Variants in CALN1 observed in about 807,000 individuals in gnomAD.
The protein encoded by CALN1 is calcium-binding protein 8.
In CALN1, 17 loss-of-function variants were observed where a neutral mutation model predicts 30.6. The ratio of observed to expected loss-of-function variants is 0.56; its 90% confidence interval spans 0.38 to 0.83. The LOEUF (loss-of-function observed/expected upper bound fraction) is 0.83. CALN1 is among the 40% of genes least tolerant of loss of function. The pLI is 0.00. For synonymous variants in CALN1, 156 were observed against 131.4 expected (o/e 1.19, Z -1.28); for missense variants, 291 against 354.9 (o/e 0.82, Z 1.45).
At chr7:72,344,505 C>G (rs1802524503) in intron 2 of CALN1, among the ~76,000 whole-genome samples, 2 of 149,466 alleles carry the variant, frequency 1.3e-5, no homozygotes, top group Non-Finnish European at 3.0e-5. Context: ...GAATATAATT[C>G]CAATGCTTTC....
chr7:72,222,578 C>T (rs1793386919), intron 3 of CALN1, among the ~76,000 whole-genome samples: 1 of 152,156 alleles, frequency 6.6e-6, no homozygotes, highest in African/African-American at 2.4e-5. Context: ...CTGGGGATTA[C>T]AATTGAACAT....
chr7:71,988,487 T>C (rs955236336), intron 5 of CALN1, among the ~76,000 whole-genome samples: 1 of 152,146 alleles, frequency 6.6e-6, no homozygotes, highest in African/African-American at 2.4e-5. Context: ...GAGAGCATAC[T>C]TGTTGGTTTC....
intron 3 of CALN1, among the ~76,000 whole-genome samples, chr7:72,144,532 T>G (rs1161263443): frequency 6.6e-6 from 1 of 152,152 alleles, no homozygotes; most frequent in Non-Finnish European, 1.5e-5. Context: ...TGGGAGAATT[T>G]AACACTCCAC....
At chr7:72,305,087 G>A (rs1428561808) in intron 2 of CALN1, among the ~76,000 whole-genome samples, 1 of 152,206 alleles carries the variant, frequency 6.6e-6, no homozygotes, top group Non-Finnish European at 1.5e-5. Flanking sequence ...AAGAGAGCCT[G>A]GGTTGGAACC....
chr7:72,103,880 G>A (rs1806885904), intron 4 of CALN1, among the ~76,000 whole-genome samples: 1 of 152,132 alleles, frequency 6.6e-6, no homozygotes, highest in African/African-American at 2.4e-5. Context: ...AGGCTCCAAA[G>A]CTTGCGGGTT....
At chr7:71,955,072 T>C (rs1195817346) in intron 5 of CALN1, among the ~76,000 whole-genome samples, 9 of 152,156 alleles carry the variant, frequency 5.9e-5, no homozygotes, top group Admixed American at 5.2e-4. Context: ...AGAGGTTTAA[T>C]GGATTCACAG....
At chr7:72,121,814 A>G (rs1386605359) in intron 3 of CALN1, among the ~76,000 whole-genome samples, 1 of 133,620 alleles carries the variant, frequency 7.5e-6, no homozygotes, top group Non-Finnish European at 1.6e-5. Context: ...ATTATTGTAA[A>G]CATGGTTGGT....
At chr7:71,943,106 G>A (rs1302373679) in intron 5 of CALN1, among the ~76,000 whole-genome samples, 2 of 149,188 alleles carry the variant, frequency 1.3e-5, no homozygotes, top group Admixed American at 6.7e-5. Context: ...CAACCACCTC[G>A]GGCACATGTC....
intron 1 of CALN1, among the ~76,000 whole-genome samples, chr7:72,417,523 G>A (rs191042197): frequency 6.6e-6 from 1 of 152,304 alleles, no homozygotes; most frequent in African/African-American, 2.4e-5. Flanking sequence ...ATAGTTCTTG[G>A]TTACCAGCCA....
At chr7:72,131,104 C>T (rs1809112712) in intron 3 of CALN1, among the ~76,000 whole-genome samples, 2 of 152,088 alleles carry the variant, frequency 1.3e-5, no homozygotes, top group African/African-American at 2.4e-5. Context: ...TGTTTCTGCC[C>T]TTAAAGCACT....
At chr7:72,256,142 A>G (rs2129552427) in intron 3 of CALN1, among the ~76,000 whole-genome samples, 1 of 152,292 alleles carries the variant, frequency 6.6e-6, no homozygotes, top group East Asian at 1.9e-4. Flanking sequence ...TTGCCCCTAC[A>G]CTTCAAGAAA....
the CALN1 span, among the ~76,000 whole-genome samples, chr7:72,487,698 G>GA: frequency 9.3e-5 from 8 of 86,298 alleles, no homozygotes; most frequent in African/African-American, 3.0e-4. Flanking sequence ...AAGAAAGAAA[G>GA]AAAGAAAAGA....
intron 6 of CALN1, among the ~76,000 whole-genome samples, chr7:71,797,623 C>A (rs1028074384): frequency 7.9e-5 from 12 of 152,136 alleles, no homozygotes; most frequent in African/African-American, 2.9e-4. Flanking sequence ...TTCTCCTCTA[C>A]AAAATCTCAT....
At chr7:72,096,255 G>A (rs2129540250) in intron 4 of CALN1, among the ~76,000 whole-genome samples, 2 of 152,246 alleles carry the variant, frequency 1.3e-5, no homozygotes, top group Middle Eastern at 6.8e-3. Context: ...CAAGCACTTT[G>A]AGGGCCACCT....
intron 2 of CALN1, among the ~76,000 whole-genome samples, chr7:72,399,827 G>C (rs981835508): frequency 1.3e-5 from 2 of 152,130 alleles, no homozygotes; most frequent in Non-Finnish European, 2.9e-5. Flanking sequence ...GGAGGTGTTT[G>C]GGTCATGCAG....
At chr7:72,228,615 A>G (rs1188729634) in intron 3 of CALN1, among the ~76,000 whole-genome samples, 1 of 151,942 alleles carries the variant, frequency 6.6e-6, no homozygotes, top group East Asian at 1.9e-4. Context: ...GTAAACTGGA[A>G]CAACAATAAC....
At chr7:72,137,090 A>T (rs973689627) in intron 3 of CALN1, among the ~76,000 whole-genome samples, 1 of 152,140 alleles carries the variant, frequency 6.6e-6, no homozygotes, top group African/African-American at 2.4e-5. Context: ...CACTAAGTAT[A>T]TTTAAGGGTT....
At chr7:72,241,499 G>A (rs1195284360) in intron 3 of CALN1, among the ~76,000 whole-genome samples, 1 of 152,092 alleles carries the variant, frequency 6.6e-6, no homozygotes, top group African/African-American at 2.4e-5. Flanking sequence ...CTGAGGTCAG[G>A]AGTTCGAGAG....
chr7:72,192,200 A>G (rs1790659176), intron 3 of CALN1, among the ~76,000 whole-genome samples: 1 of 152,180 alleles, frequency 6.6e-6, no homozygotes, highest in Admixed American at 6.5e-5. Context: ...AGTATATGCT[A>G]TTGCTCCTAG....
Sources: gnomAD v4.1 joint callset for allele counts (sites outside exome capture counted in the v4.1 genomes callset) on GRCh38, gnomAD v4.1.1 for gene constraint, MANE v1.5 for transcripts, NCBI Gene and HGNC (gene_info 2026-07-23, HGNC 2026-07-21) for gene names.